The following MS4A4A variants were observed in gnomAD, a reference collection of about 807,000 sequenced individuals.
MS4A4A encodes membrane spanning 4-domains A4A, also known as membrane-spanning 4-domains subfamily A member 4A.
MS4A4A carries 26 observed loss-of-function variants against 28.0 expected under a neutral mutation model. The observed-to-expected ratio is 0.93, with a 90% confidence interval of 0.68 to 1.29. The LOEUF (loss-of-function observed/expected upper bound fraction) is 1.29, where lower values mean the gene tolerates loss of function less well. MS4A4A is among the 50% of genes most tolerant of loss of function. The pLI is 0.00. For synonymous variants in MS4A4A, 86 were observed against 100.8 expected, an observed-to-expected ratio of 0.85 and a Z score of 0.88; for missense variants, 290 against 293.1, an observed-to-expected ratio of 0.99 and a Z score of 0.08.
intron 3 of MS4A4A, among the ~76,000 whole-genome samples, chr11:60,298,556 T>C (rs1001447707): frequency 6.6e-6 from 1 of 152,254 alleles, no homozygotes; most frequent in African/African-American, 2.4e-5. Flanking sequence ...AATCATTTTA[T>C]GGATGAAGAG....
chr11:60,297,304 C>A lies in MS4A4A; in HGVS notation c.309C>A (p.Tyr103Ter). ...GSNPISVYIG[Y>*]TIWGSVMFII... ...ACCCTATTTCCGTGTATATCGGGTACACAATTTGGGGGTCAGTAATGGTGA... is the reference window on the plus strand; with the variant it reads ...ACCCTATTTCCGTGTATATCGGGTAAACAATTTGGGGGTCAGTAATGGTGA... The change falls in exon 3 of 7, where the codon TAC becomes TAA. Residue 103 changes from tyrosine to a stop codon, truncating the protein, a stop_gained. Coordinates refer to ENST00000337908, the MANE Select transcript of MS4A4A (RefSeq NM_148975.3). LOFTEE classifies it high-confidence loss of function. 1 of 1,613,304 alleles carries A rather than the reference C, an allele frequency of 6.2e-7. No homozygotes were observed. Among genetic ancestry groups the A allele is most frequent in the Non-Finnish European group, 8.5e-7 (1 of 1,179,454 alleles).
intron 2 of MS4A4A, among the ~76,000 whole-genome samples, chr11:60,292,626 G>C (rs1475710023): frequency 1.3e-5 from 2 of 152,174 alleles, no homozygotes; most frequent in Non-Finnish European, 2.9e-5. Context: ...GGTCATCCAT[G>C]ATAATTGTAT....
chr11:60,291,650 T>C (rs910997927), intron 1 of MS4A4A, among the ~76,000 whole-genome samples: 1 of 151,710 alleles, frequency 6.6e-6, no homozygotes, highest in Non-Finnish European at 1.5e-5. Context: ...ATACAAAAAT[T>C]GGCTCAGCAT....
chr11:60,292,276 A>T lies in MS4A4A; in HGVS notation c.93A>T (p.Pro31=). Residue 31 remains proline, a synonymous_variant, in exon 2 of 7, where the codon CCA becomes CCT. Coordinates refer to ENST00000337908, the MANE Select transcript of MS4A4A (RefSeq NM_148975.3). ...TTMQGMEQAM[P]GAGPGVPQLG... is the part of the protein sequence containing the mutation. ...TGCAAGGAATGGAACAGGCCATGCC[A>T]GGGGCTGGCCCTGGTGTGCCCCAGC... 1 of 1,605,460 alleles carries T rather than the reference A, an allele frequency of 6.2e-7. No homozygotes were observed. The highest frequency in any genetic ancestry group is 8.5e-7 in the Non-Finnish European group (1 of 1,176,408).
chr11:60,284,634 G>A (rs1456424521), intron 1 of MS4A4A, among the ~76,000 whole-genome samples: 1 of 152,202 alleles, frequency 6.6e-6, no homozygotes, highest in Admixed American at 6.5e-5. Context: ...AGACTATGCA[G>A]AGGCGGGCCT....
chr11:60,302,511 A>G (rs1479151260), intron 4 of MS4A4A, 48 bp from the exon 5 acceptor site: 1 of 1,583,124 alleles, frequency 6.3e-7, no homozygotes, highest in East Asian at 2.2e-5. Context: ...ATGGAGATAT[A>G]TCTGAGGATG....
chr11:60,288,690 C>A (rs1207685263), intron 1 of MS4A4A, among the ~76,000 whole-genome samples: 1 of 152,112 alleles, frequency 6.6e-6, no homozygotes, highest in East Asian at 1.9e-4. Flanking sequence ...ATGGCAATAT[C>A]CCAGGCTGTG....
intron 1 of MS4A4A, among the ~76,000 whole-genome samples, chr11:60,287,437 A>G (rs1201980735): frequency 6.6e-6 from 1 of 152,216 alleles, no homozygotes; most frequent in Admixed American, 6.5e-5. Context: ...TCATCCATTC[A>G]TGCAGGTAGA....
intron 3 of MS4A4A, 45 bp from the exon 4 acceptor site, chr11:60,300,956 T>A: frequency 7.0e-7 from 1 of 1,431,188 alleles, no homozygotes; most frequent in Non-Finnish European, 9.7e-7. Context: ...TGACTCCCAA[T>A]ACTGGCTTAA....
At chr11:60,281,467 CA>C (rs1397252976) in intron 1 of MS4A4A, among the ~76,000 whole-genome samples, 1 of 152,034 alleles carries the variant, frequency 6.6e-6, no homozygotes, top group African/African-American at 2.4e-5. Flanking sequence ...AAAACAAAAA[CA>C]AAAACAAAAA....
intron 1 of MS4A4A, chr11:60,290,021 T>C (rs765759796): frequency 4.9e-6 from 2 of 405,968 alleles, no homozygotes; most frequent in Non-Finnish European, 1.0e-5. Context: ...TATATCCAGA[T>C]GCTCCTAATC....
At chr11:60,293,279 A>G (rs556783192) in intron 2 of MS4A4A, among the ~76,000 whole-genome samples, 6 of 152,100 alleles carry the variant, frequency 3.9e-5, no homozygotes, top group Non-Finnish European at 8.8e-5. Context: ...GCTGGTCTTG[A>G]ACTCCTGACC....
rs540782252 is a variant in MS4A4A at position 60,284,386 on chromosome 11, C to A, written c.41+3670C>A. Among the ~76,000 whole-genome samples, 114 of 152,296 alleles carry A rather than the reference C, an allele frequency of 7.5e-4. 1 individual carries two copies. The highest frequency in any genetic ancestry group is 2.6e-3 in the African/African-American group (108 of 41,564). On this transcript the variant is annotated intron_variant, in intron 1 of 6. Transcript: ENST00000337908. ...CATAAACTTCCTTTAACACTTCCTG[C>A]CACTCAAGGACATGCTAGACAGGGA...
intron 4 of MS4A4A, among the ~76,000 whole-genome samples, 161 bp downstream of exon 4, chr11:60,301,218 G>A (rs1415333648): frequency 1.3e-5 from 2 of 152,142 alleles, no homozygotes; most frequent in African/African-American, 4.8e-5. Context: ...CTGCAGTCAG[G>A]CTAATTGCTG....
At chr11:60,288,875 T>C (rs867231203) in intron 1 of MS4A4A, among the ~76,000 whole-genome samples, 6 of 152,180 alleles carry the variant, frequency 3.9e-5, no homozygotes, top group South Asian at 2.1e-4. Context: ...GCAGTTATTT[T>C]GCCTGGATTG....
intron 3 of MS4A4A, among the ~76,000 whole-genome samples, chr11:60,298,077 C>T (rs975781268): frequency 2.0e-5 from 3 of 150,692 alleles, no homozygotes; most frequent in Admixed American, 2.0e-4. Flanking sequence ...ATTAATATTA[C>T]ATTAAAATTA....
intron 3 of MS4A4A, 60 bp downstream of exon 3, chr11:60,297,385 A>C: frequency 6.4e-7 from 1 of 1,568,730 alleles, no homozygotes; most frequent in Non-Finnish European, 8.7e-7. Context: ...CAATACCCTG[A>C]TCTTTGGAAT....
intron 1 of MS4A4A, among the ~76,000 whole-genome samples, chr11:60,283,196 A>C (rs996900139): frequency 2.6e-5 from 4 of 152,068 alleles, no homozygotes; most frequent in African/African-American, 9.7e-5. Context: ...CCTCCTGAGT[A>C]GCTGGGATTA....
intron 1 of MS4A4A, 105 bp downstream of exon 1, chr11:60,280,821 T>A: frequency 7.5e-7 from 1 of 1,326,340 alleles, no homozygotes; most frequent in Non-Finnish European, 1.1e-6. Flanking sequence ...TGAGGCCACT[T>A]CCCATGACCC....
Sources: allele counts gnomAD v4.1 joint callset (sites outside exome capture counted in the v4.1 genomes callset), GRCh38; gene constraint gnomAD v4.1.1; transcripts MANE v1.5; gene names NCBI Gene and HGNC (gene_info 2026-07-23, HGNC 2026-07-21).